The following RGS7 variants were observed in gnomAD, a reference collection of about 807,000 sequenced individuals.
RGS7 encodes the protein regulator of G protein signaling 7.
In RGS7, 27 loss-of-function variants were observed where a neutral mutation model predicts 81.1. The observed-to-expected ratio is 0.33, with a 90% CI of 0.25 to 0.46. The LOEUF is 0.46. Ranked by LOEUF, RGS7 falls within the 20% of genes least tolerant of loss-of-function variation. The pLI, the probability that RGS7 is intolerant of heterozygous loss-of-function variation, is 1.00. For missense variants in RGS7, 396 were observed against 607.4 expected (o/e 0.65, Z 3.66); for synonymous variants, 208 against 207.7 (o/e 1.00, Z -0.01).
chr1:241,097,097 C>G (rs2064309751), intron 3 of RGS7, among the ~76,000 whole-genome samples: 1 of 149,378 alleles, frequency 6.7e-6, no homozygotes, highest in African/African-American at 2.6e-5. Context: ...GTGGAGCGTA[C>G]AAGAGATGCA....
intron 3 of RGS7, among the ~76,000 whole-genome samples, chr1:241,089,021 A>ATATCTCTCTCTCTCTC (rs1491299995): frequency 8.5e-5 from 2 of 23,650 alleles, no homozygotes; most frequent in African/African-American, 5.4e-4. Context: ...GCAAGACTCC[A>ATATCTCTCTCTCTCTC]TCTCTCTCTC....
chr1:240,897,468 T>C (rs984046253), intron 6 of RGS7, among the ~76,000 whole-genome samples: 1 of 152,190 alleles, frequency 6.6e-6, no homozygotes, highest in Non-Finnish European at 1.5e-5. Flanking sequence ...CAATACCTAG[T>C]TTATTGAGAA....
At position 240,806,168 on chromosome 1, in the gene RGS7, G is replaced by T. The variant is rs1388235355; in HGVS notation, c.1241C>A (p.Pro414His). The T allele has an allele frequency of 1.2e-6, 2 of 1,613,964 alleles. No individual in the cohort carries two copies. Among genetic ancestry groups the T allele is most frequent in the Non-Finnish European group, 8.5e-7 (1 of 1,179,918 alleles). Residue 414 changes from proline (P) to histidine (H), a missense_variant, in exon 15 of 19, where the codon CCT becomes CAT. Coordinates refer to ENST00000440928, the MANE Select transcript of RGS7 (RefSeq NM_001364886.1). ...AGCATCTTCAAATGTGTATCGTCCA[G>T]GTTCCTTCACGTTCTGTGTGGTTTT... Reference protein sequence around the residue: ...YDKTTQNVKEPGRYTFEDAQE... With the variant: ...YDKTTQNVKEHGRYTFEDAQE...
At chr1:241,134,358 G>A (rs958348238) in intron 2 of RGS7, among the ~76,000 whole-genome samples, 1 of 152,186 alleles carries the variant, frequency 6.6e-6, no homozygotes, top group Non-Finnish European at 1.5e-5. Context: ...ACAGAATGCC[G>A]TGGGACTTCT....
intron 2 of RGS7, among the ~76,000 whole-genome samples, chr1:241,256,675 G>A (rs980908420): frequency 9.9e-5 from 15 of 152,084 alleles, no homozygotes; most frequent in African/African-American, 3.6e-4. Context: ...CATTCTCGCT[G>A]TGTCTTCACG....
intron 2 of RGS7, among the ~76,000 whole-genome samples, chr1:241,152,892 G>T (rs1314757437): frequency 6.6e-6 from 1 of 152,156 alleles, no homozygotes; most frequent in Non-Finnish European, 1.5e-5. Context: ...AGATTCAGGG[G>T]TTATTTGTTA....
chr1:240,989,305 T>G (rs961382623), intron 3 of RGS7, among the ~76,000 whole-genome samples: 10 of 151,524 alleles, frequency 6.6e-5, no homozygotes, highest in African/African-American at 2.4e-4. Context: ...CTGGGCATGA[T>G]GTTGCGTGCC....
chr1:241,267,043 T>C (rs1420670882), intron 2 of RGS7, among the ~76,000 whole-genome samples: 3 of 152,184 alleles, frequency 2.0e-5, no homozygotes, highest in Non-Finnish European at 4.4e-5. Context: ...ATCATTCAGA[T>C]TCATTTTTCT....
chr1:241,137,908 C>T (rs377244984), intron 2 of RGS7, among the ~76,000 whole-genome samples: 143 of 152,266 alleles, frequency 9.4e-4, no homozygotes, highest in African/African-American at 3.0e-3. Context: ...CCGTGGCTCA[C>T]GCCTGTAATC....
chr1:241,062,924 G>A (rs2061823803), intron 3 of RGS7, among the ~76,000 whole-genome samples: 1 of 152,142 alleles, frequency 6.6e-6, no homozygotes, highest in Non-Finnish European at 1.5e-5. Flanking sequence ...CACAGATCAA[G>A]TTTCCCCTTC....
At chr1:241,052,130 A>G (rs1262775536) in intron 3 of RGS7, among the ~76,000 whole-genome samples, 5 of 152,184 alleles carry the variant, frequency 3.3e-5, no homozygotes, top group Non-Finnish European at 7.4e-5. Context: ...CCTAACATGT[A>G]TTGGGTCCCG....
chr1:241,198,870 G>A (rs180768580), intron 2 of RGS7, among the ~76,000 whole-genome samples: 510 of 151,996 alleles, frequency 3.4e-3, no homozygotes, highest in Middle Eastern at 0.014. Context: ...AACCTGACAA[G>A]GACTTTACAA....
intron 6 of RGS7, among the ~76,000 whole-genome samples, chr1:240,905,804 C>T (rs67881950): frequency 0.11 from 17,496 of 152,230 alleles, 1,194 homozygotes; most frequent in Middle Eastern, 0.18. Context: ...GTTTCCTCTC[C>T]TTGGCTCTAA....
At chr1:241,068,886 T>A (rs2062256255) in intron 3 of RGS7, among the ~76,000 whole-genome samples, 1 of 152,060 alleles carries the variant, frequency 6.6e-6, no homozygotes, top group Non-Finnish European at 1.5e-5. Flanking sequence ...CTTAGTATCA[T>A]CCCCTTGGTA....
At chr1:240,783,622 C>CA (rs1172697086) in intron 18 of RGS7, among the ~76,000 whole-genome samples, 5 of 148,726 alleles carry the variant, frequency 3.4e-5, no homozygotes, top group African/African-American at 9.9e-5. Flanking sequence ...GACTCTGTCT[C>CA]AAAAAAAATA....
intron 2 of RGS7, among the ~76,000 whole-genome samples, chr1:241,238,966 CTTTT>C (rs66468032): frequency 9.4e-6 from 1 of 106,644 alleles, no homozygotes; most frequent in Non-Finnish European, 1.8e-5. Flanking sequence ...GCCTCTCTCT[CTTTT>C]TTTTTTTTTT....
chr1:241,260,317 C>T (rs1235650604), intron 2 of RGS7, among the ~76,000 whole-genome samples: 4 of 152,208 alleles, frequency 2.6e-5, no homozygotes, highest in Non-Finnish European at 4.4e-5. Context: ...TAGCTTCTGT[C>T]GGGCACAGTC....
intron 2 of RGS7, among the ~76,000 whole-genome samples, chr1:241,099,232 C>T (rs566010198): frequency 6.6e-6 from 1 of 152,128 alleles, no homozygotes; most frequent in Non-Finnish European, 1.5e-5. Flanking sequence ...CTAAAACCTG[C>T]CTAGAAATCC....
chr1:240,804,640 C>G (rs1688552247), intron 15 of RGS7, among the ~76,000 whole-genome samples: 1 of 152,044 alleles, frequency 6.6e-6, no homozygotes. Context: ...AAGGGCATTC[C>G]AAACATTTTC....
Sources: allele counts gnomAD v4.1 joint callset (sites outside exome capture counted in the v4.1 genomes callset), GRCh38; gene constraint gnomAD v4.1.1; transcripts MANE v1.5; gene names NCBI Gene and HGNC (gene_info 2026-07-23, HGNC 2026-07-21).